Variants in LRFN2 observed in about 807,000 individuals in gnomAD.
LRFN2 encodes the protein leucine rich repeat and fibronectin type III domain containing 2.
Under a neutral mutation model 37.3 loss-of-function variants are expected in LRFN2, and 18 were observed. The ratio of observed to expected loss-of-function variants is 0.48; its 90% CI spans 0.33 to 0.72. LRFN2 has a LOEUF of 0.72. Ranked by LOEUF, LRFN2 falls within the 30% of genes least tolerant of loss-of-function variation. The pLI is 0.02. For synonymous variants in LRFN2, 556 were observed against 466.6 expected, an observed-to-expected ratio of 1.19 and a Z score of -2.47; for missense variants, 1,006 against 1,060.7, an observed-to-expected ratio of 0.95 and a Z score of 0.72.
At chr6:40,571,030 A>C (rs1767177105) in intron 1 of LRFN2, among the ~76,000 whole-genome samples, 1 of 152,228 alleles carries the variant, frequency 6.6e-6, no homozygotes, top group African/African-American at 2.4e-5. Flanking sequence ...AGGGTGCTGC[A>C]GCCATTTAGC....
At chr6:40,553,824 T>C (rs993394746) in intron 1 of LRFN2, among the ~76,000 whole-genome samples, 8 of 152,204 alleles carry the variant, frequency 5.3e-5, no homozygotes, top group African/African-American at 1.9e-4. Context: ...GGTGATGCCT[T>C]ACTTATAGGA....
chr6:40,466,436 CT>C (rs1396275856), intron 1 of LRFN2, among the ~76,000 whole-genome samples: 1 of 152,094 alleles, frequency 6.6e-6, no homozygotes, highest in East Asian at 1.9e-4. Context: ...TAAAGATCCC[CT>C]GATGTTATAG....
At chr6:40,473,928 C>T (rs1561870094) in intron 1 of LRFN2, among the ~76,000 whole-genome samples, 1 of 152,212 alleles carries the variant, frequency 6.6e-6, no homozygotes, top group African/African-American at 2.4e-5. Flanking sequence ...CCACCATGCC[C>T]TTAACCACTA....
At chr6:40,406,226 C>T (rs895334910) in intron 2 of LRFN2, among the ~76,000 whole-genome samples, 2 of 152,164 alleles carry the variant, frequency 1.3e-5, no homozygotes, top group African/African-American at 2.4e-5. Context: ...ATGAAATGAG[C>T]GAATCTCTGT....
chr6:40,484,314 C>T (rs116169588), intron 1 of LRFN2, among the ~76,000 whole-genome samples: 134 of 152,272 alleles, frequency 8.8e-4, no homozygotes, highest in African/African-American at 3.1e-3. Context: ...GTGTGATCAG[C>T]GGCTAGTCTC....
chr6:40,516,314 G>A (rs1032618659), intron 1 of LRFN2: 3 of 152,254 alleles, frequency 2.0e-5, no homozygotes, highest in Non-Finnish European at 4.4e-5. Context: ...TATCCCAACA[G>A]ATGCCAAATA....
At chr6:40,582,475 T>G (rs1767422184) in intron 1 of LRFN2, among the ~76,000 whole-genome samples, 1 of 152,020 alleles carries the variant, frequency 6.6e-6, no homozygotes, top group African/African-American at 2.4e-5. Flanking sequence ...ACAGTTTTGT[T>G]CTTTAATCCA....
chr6:40,460,518 C>T (rs931664194), intron 1 of LRFN2, among the ~76,000 whole-genome samples: 1 of 152,150 alleles, frequency 6.6e-6, no homozygotes, highest in East Asian at 1.9e-4. Flanking sequence ...AAGCACATTC[C>T]CAAGCCGTGT....
intron 1 of LRFN2, among the ~76,000 whole-genome samples, chr6:40,506,675 C>T (rs2113881165): frequency 6.6e-6 from 1 of 152,272 alleles, no homozygotes; most frequent in East Asian, 1.9e-4. Context: ...TTAAGCCTCA[C>T]TGTCCCAGAC....
At chr6:40,567,652 G>A (rs912001622) in intron 1 of LRFN2, among the ~76,000 whole-genome samples, 1 of 152,190 alleles carries the variant, frequency 6.6e-6, no homozygotes, top group African/African-American at 2.4e-5. Flanking sequence ...GGAAAGAATA[G>A]CAATTAGAAC....
intron 1 of LRFN2, among the ~76,000 whole-genome samples, chr6:40,525,615 A>G (rs1053762916): frequency 6.6e-6 from 1 of 152,208 alleles, no homozygotes; most frequent in African/African-American, 2.4e-5. Context: ...TTATGAGCAA[A>G]GAGAACTGAG....
At position 40,532,450 on chromosome 6, in the gene LRFN2, G is replaced by A. The variant is rs1039415855; in HGVS notation, c.-19+54491C>T. Among the ~76,000 whole-genome samples, 3 of 152,156 alleles carry A rather than the reference G, an allele frequency of 2.0e-5. 1 individual carries two copies. The highest frequency in any genetic ancestry group is 1.3e-4 in the Admixed American group (2 of 15,288). On this transcript the variant is annotated intron_variant, in intron 1 of 2. Transcript: ENST00000338305. Reference sequence around the variant, plus strand: ...ACAATAGCCCTATGAGATATGTAGTGGGACACCATTATTCTCATTTCATAG... The same window carrying A: ...ACAATAGCCCTATGAGATATGTAGTAGGACACCATTATTCTCATTTCATAG...
At position 40,391,757 on chromosome 6, in the gene LRFN2, C is replaced by T. The variant is rs1373650510; in HGVS notation, c.*186G>A. On this transcript the variant is annotated 3_prime_UTR_variant, in exon 3 of 3. Transcript: ENST00000338305. ...GCGAGTCCACATTCCCTGAGCACAC[C>T]CCGGCCGGGTGGTGGGGAGGTGATG... 1.9e-6 allele frequency: 1 copy of T among 537,872 alleles called. No homozygotes were observed. 33.3% of individuals were successfully genotyped at this position (537,872 alleles called of 1,614,324 possible). A position where few individuals can be genotyped will look rare whatever the true frequency, so the allele number is the denominator to read the frequency against.
In LRFN2 at chr6:40,419,673, T is replaced by C. The variant is rs544706950; in HGVS notation, c.1400+12041A>G. ...GCCTTTGACTGGGCCTGATCATTCC[T>C]GCCTCTGTCTCTGTCTTCATTGGTT... On this transcript the variant is annotated intron_variant, in intron 2 of 2. Coordinates refer to ENST00000338305, the MANE Select transcript of LRFN2 (RefSeq NM_020737.3). 4.6e-5 allele frequency among the ~76,000 whole-genome samples: 7 copies of C among 152,290 alleles called. No homozygotes were observed. In the East Asian group the frequency reaches 1.4e-3, roughly 29 times the overall value.
intron 1 of LRFN2, among the ~76,000 whole-genome samples, chr6:40,459,796 T>C (rs1460227772): frequency 6.6e-6 from 1 of 152,248 alleles, no homozygotes; most frequent in Admixed American, 6.5e-5. Context: ...GAGGACCTTT[T>C]AATGAGAACA....
chr6:40,503,577 T>C (rs559675231), intron 1 of LRFN2, among the ~76,000 whole-genome samples: 1 of 152,250 alleles, frequency 6.6e-6, no homozygotes, highest in South Asian at 2.1e-4. Context: ...ACAGTGCAGA[T>C]CGGAGCTCAA....
At chr6:40,501,608 C>T (rs1765384006) in intron 1 of LRFN2, 1 of 152,052 alleles carries the variant, frequency 6.6e-6, no homozygotes, top group Admixed American at 6.6e-5. Context: ...GATTTACAGC[C>T]ACCACATCCA....
intron 1 of LRFN2, among the ~76,000 whole-genome samples, chr6:40,469,327 G>A (rs1764543889): frequency 6.6e-6 from 1 of 152,166 alleles, no homozygotes; most frequent in South Asian, 2.1e-4. Context: ...ACATATTTCT[G>A]TTGGCTTAAG....
chr6:40,398,986 C>T (rs190128048), intron 2 of LRFN2, among the ~76,000 whole-genome samples: 7 of 151,992 alleles, frequency 4.6e-5, no homozygotes, highest in Admixed American at 3.3e-4. Context: ...AACTACATTT[C>T]CCAGGCTCCC....
Sources: allele counts gnomAD v4.1 joint callset (sites outside exome capture counted in the v4.1 genomes callset), GRCh38; gene constraint gnomAD v4.1.1; transcripts MANE v1.5; gene names NCBI Gene and HGNC (gene_info 2026-07-23, HGNC 2026-07-21).